The following CEP63 variants were observed in gnomAD, a reference collection of about 807,000 sequenced individuals.
CEP63 encodes the protein centrosomal protein 63, also known as centrosomal protein of 63 kDa.
Under a neutral mutation model 89.1 loss-of-function variants are expected in CEP63, and 84 were observed. That is an observed-to-expected ratio of 0.94 (90% CI 0.79 to 1.13). The LOEUF (loss-of-function observed/expected upper bound fraction) is 1.13. Ranked by LOEUF, CEP63 falls within the 50% of genes most tolerant of loss-of-function variation. CEP63 has a pLI of 0.00. For synonymous variants in CEP63, 267 were observed against 272.5 expected, an observed-to-expected ratio of 0.98 and a Z score of 0.20; for missense variants, 838 against 813.3, an observed-to-expected ratio of 1.03 and a Z score of -0.37.
chr3:134,511,247 CTT>C (rs1944859469), intron 3 of CEP63: 2 of 166,758 alleles, frequency 1.2e-5, no homozygotes, highest in Non-Finnish European at 2.6e-5. Context: ...GGGCAGAGCA[CTT>C]TGTCACCTTT....
the CEP63 span, among the ~76,000 whole-genome samples, chr3:134,742,779 C>G: frequency 3.5e-4 from 53 of 152,320 alleles, no homozygotes; most frequent in African/African-American, 1.3e-3. Flanking sequence ...GGTTCTCTCC[C>G]TTGCCCATCC....
the CEP63 span, among the ~76,000 whole-genome samples, chr3:134,714,780 A>T: frequency 6.6e-6 from 1 of 152,264 alleles, no homozygotes; most frequent in African/African-American, 2.4e-5. Flanking sequence ...CAAATGAGCC[A>T]GTCTCCTGGC....
the CEP63 span, among the ~76,000 whole-genome samples, chr3:134,731,655 G>C: frequency 6.6e-6 from 1 of 152,144 alleles, no homozygotes; most frequent in Admixed American, 6.5e-5. Context: ...AGGCAAGCAA[G>C]TAAAGCCACC....
At chr3:134,535,171 A>G (rs963974933) in intron 5 of CEP63, among the ~76,000 whole-genome samples, 1 of 152,122 alleles carries the variant, frequency 6.6e-6, no homozygotes, top group African/African-American at 2.4e-5. Flanking sequence ...TAACTAAAAA[A>G]TTACTTCAGT....
At chr3:134,517,316 T>G (rs1020748431) in intron 3 of CEP63, among the ~76,000 whole-genome samples, 3 of 152,184 alleles carry the variant, frequency 2.0e-5, no homozygotes, top group African/African-American at 7.2e-5. Flanking sequence ...GAAAATCCTC[T>G]TTCTGTCTTA....
At chr3:134,554,124 G>A (rs2109964408) in intron 12 of CEP63, among the ~76,000 whole-genome samples, 1 of 151,886 alleles carries the variant, frequency 6.6e-6, no homozygotes, top group African/African-American at 2.4e-5. Context: ...GGGTACATGT[G>A]CACATTGTGC....
chr3:134,490,317 C>T (rs1264687430), intron 1 of CEP63, among the ~76,000 whole-genome samples: 1 of 151,952 alleles, frequency 6.6e-6, no homozygotes, highest in Non-Finnish European at 1.5e-5. Context: ...GTCTTGGTGC[C>T]TAGTGCCATT....
the CEP63 span, among the ~76,000 whole-genome samples, chr3:134,771,130 G>A: frequency 2.0e-5 from 3 of 152,156 alleles, no homozygotes; most frequent in African/African-American, 7.2e-5. Flanking sequence ...GGTTCTCAGT[G>A]CAGGGCAACT....
At chr3:134,750,788 G>T in the CEP63 span, among the ~76,000 whole-genome samples, 3 of 152,150 alleles carry the variant, frequency 2.0e-5, no homozygotes, top group African/African-American at 7.2e-5. Flanking sequence ...AGAAGAAAGG[G>T]GTTTATGTCC....
intron 1 of CEP63, among the ~76,000 whole-genome samples, chr3:134,491,672 G>T (rs1937583728): frequency 6.6e-6 from 1 of 152,098 alleles, no homozygotes; most frequent in African/African-American, 2.4e-5. Context: ...GTTTAATTAG[G>T]AGCCTTTCTG....
the CEP63 span, among the ~76,000 whole-genome samples, chr3:134,636,754 CAT>C: frequency 1.3e-5 from 2 of 152,232 alleles, no homozygotes; most frequent in South Asian, 4.1e-4. Flanking sequence ...AAATAGATCA[CAT>C]ATTCACTCAC....
At chr3:134,599,387 G>A in the CEP63 span, among the ~76,000 whole-genome samples, 1 of 152,166 alleles carries the variant, frequency 6.6e-6, no homozygotes, top group Non-Finnish European at 1.5e-5. Flanking sequence ...AGTTCTTTTT[G>A]TCCTTCACAC....
At chr3:134,603,835 T>C in the CEP63 span, 3 of 1,614,036 alleles carry the variant, frequency 1.9e-6, no homozygotes, top group Non-Finnish European at 2.5e-6. Context: ...CTCATTGTCC[T>C]GTCCCCAGTT....
the CEP63 span, among the ~76,000 whole-genome samples, chr3:134,705,938 A>G: frequency 1.3e-5 from 2 of 152,228 alleles, no homozygotes; most frequent in African/African-American, 2.4e-5. Context: ...TGACAAATTC[A>G]TAGAATTGAT....
the CEP63 span, among the ~76,000 whole-genome samples, chr3:134,662,123 A>G: frequency 6.6e-6 from 1 of 152,082 alleles, no homozygotes; most frequent in Non-Finnish European, 1.5e-5. Flanking sequence ...CTACAAATAC[A>G]AAAATTAGCT....
At chr3:134,678,622 C>T in the CEP63 span, among the ~76,000 whole-genome samples, 1 of 152,148 alleles carries the variant, frequency 6.6e-6, no homozygotes, top group Admixed American at 6.5e-5. Context: ...CATTTAAATC[C>T]CTCAACACTT....
At chr3:134,584,405 C>A (rs1052466272) in intron 10 of CEP63, among the ~76,000 whole-genome samples, 9 of 152,008 alleles carry the variant, frequency 5.9e-5, no homozygotes, top group Non-Finnish European at 1.2e-4. Context: ...GAAATTTGTC[C>A]AAGGCCTTTT....
chr3:134,748,382 T>C, the CEP63 span, among the ~76,000 whole-genome samples: 1 of 152,164 alleles, frequency 6.6e-6, no homozygotes, highest in African/African-American at 2.4e-5. Context: ...GAGATTTTCT[T>C]AAGAACTCAT....
At chr3:134,631,391 AG>A in the CEP63 span, among the ~76,000 whole-genome samples, 2 of 152,248 alleles carry the variant, frequency 1.3e-5, no homozygotes, top group Non-Finnish European at 2.9e-5. Flanking sequence ...TGCTAACGGA[AG>A]TTCTTCAGAC....
Sources: gnomAD v4.1 joint callset for allele counts (sites outside exome capture counted in the v4.1 genomes callset) on GRCh38, gnomAD v4.1.1 for gene constraint, MANE v1.5 for transcripts, NCBI Gene and HGNC (gene_info 2026-07-23, HGNC 2026-07-21) for gene names.